NIN: variants seen among roughly 807,000 people sequenced by gnomAD.
The protein encoded by NIN is glycogen synthase kinase 3 beta-interacting protein.
NIN carries 137 observed loss-of-function variants against 257.6 expected under a neutral mutation model. The ratio of observed to expected loss-of-function variants is 0.53; its 90% CI spans 0.46 to 0.61. The LOEUF (loss-of-function observed/expected upper bound fraction) is 0.61, where lower values mean the gene tolerates loss of function less well. Among genes scored for constraint, NIN ranks in the 20% least tolerant of loss-of-function variants. NIN has a pLI of 0.00. For missense variants in NIN, 2,439 were observed against 2,501.2 expected (o/e 0.98, Z 0.53); for synonymous variants, 918 against 919.8 (o/e 1.00, Z 0.04).
chr14:50,757,923 C>A lies in NIN; in HGVS notation c.3107G>T (p.Cys1036Phe), dbSNP rs532449776. ...TSPLSMLQSG[C>F]QVIGEEEVEG... ...CACCTCCTCCTCTCCTATCACCTGGCAACCACTCTGAAGCATTGAGAGAGG... is the reference window on the plus strand; with the variant it reads ...CACCTCCTCCTCTCCTATCACCTGGAAACCACTCTGAAGCATTGAGAGAGG... The change falls in exon 18 of 31, where the codon TGC becomes TTC. Residue 1036 changes from cysteine to phenylalanine, a missense_variant. Around this residue, in one of 3 missense-constraint regions of NIN, gnomAD observed 2,043 missense variants for 2,050.2 expected, o/e 1.00. Coordinates refer to ENST00000530997, the MANE Select transcript of NIN (RefSeq NM_020921.4). 1 of 1,614,180 alleles carries A rather than the reference C, an allele frequency of 6.2e-7. No homozygotes were observed. The highest frequency in any genetic ancestry group is 1.1e-5 in the South Asian group (1 of 91,082).
At chr14:50,801,934 C>T (rs1315032404) in intron 4 of NIN, among the ~76,000 whole-genome samples, 1 of 152,188 alleles carries the variant, frequency 6.6e-6, no homozygotes, top group East Asian at 1.9e-4. Flanking sequence ...ATTATGCTAA[C>T]ATCTACTAAA....
intron 26 of NIN, 100 bp from the exon 27 acceptor site, chr14:50,738,386 G>T: frequency 1.0e-6 from 1 of 957,676 alleles, no homozygotes. Context: ...CTTGGGTCCT[G>T]TTTAACATCC....
In NIN at chr14:50,722,262, G is replaced by A. The variant is rs1220159039; in HGVS notation, c.*1201C>T. ...TATTTGGCACTCCTTGACCTCAGGT[G>A]GCATGCCAATGATTATCACAGTAAG... On this transcript the variant is annotated 3_prime_UTR_variant, in exon 31 of 31. Coordinates refer to ENST00000530997, the MANE Select transcript of NIN (RefSeq NM_020921.4). The A allele has an allele frequency of 8.9e-6, 2 of 223,834 alleles. No homozygotes were observed. Among genetic ancestry groups the A allele is most frequent in the Non-Finnish European group, 1.8e-5 (2 of 112,342 alleles). The allele number at this position is 223,834 out of a possible 1,614,324, so 13.9% of individuals were successfully genotyped here. A position where few individuals can be genotyped will look rare whatever the true frequency, so the allele number is the denominator to read the frequency against.
rs185525956 is a variant in NIN at position 50,759,874 on chromosome 14, C to A, written c.2382G>T (p.Arg794Ser). The A allele has an allele frequency of 6.2e-7, 1 of 1,610,732 alleles. No individual in the cohort carries two copies. Among genetic ancestry groups the A allele is most frequent in the Non-Finnish European group, 8.5e-7 (1 of 1,178,918 alleles). The part of the protein sequence containing the change: ...LRKELLEKHQ[R>S]ELQEGREKME... ...TTTCTTACCTTCCCTCCTGAAGCTC[C>A]CTTTGGTGCTTTTCCAAGAGCTCTT... The change falls in exon 17 of 31, where the codon AGG becomes AGT. Residue 794 changes from arginine to serine, a missense_variant. Physicochemically the swap from Arg to Ser is moderately radical, Grantham distance 110. This residue lies in a region of NIN where 2,043 missense variants were observed against 2,050.2 expected (regional missense o/e 1.00). Transcript: ENST00000530997.
chr14:50,757,832 G>T lies in NIN; in HGVS notation c.3198C>A (p.Val1066=), dbSNP rs745818425. The T allele has an allele frequency of 6.2e-7, 1 of 1,614,098 alleles. No homozygotes were observed. The highest frequency in any genetic ancestry group is 1.1e-5 in the South Asian group (1 of 91,078). The change falls in exon 18 of 31, where the codon GTC becomes GTA. Residue 1066 remains valine (V), a synonymous_variant. Coordinates refer to ENST00000530997, the MANE Select transcript of NIN (RefSeq NM_020921.4). The part of the protein sequence containing the change: ...GEQLLEENGD[V]LLSLQRAHEQ... Reference sequence around the variant, plus strand: ...CATGAGCTCTCTGCAGGCTTAAGAGGACGTCCCCATTTTCTTCCAACAGCT... The same window carrying T: ...CATGAGCTCTCTGCAGGCTTAAGAGTACGTCCCCATTTTCTTCCAACAGCT...
At chr14:50,785,884 C>G (rs1169051752) in intron 5 of NIN, among the ~76,000 whole-genome samples, 1 of 152,196 alleles carries the variant, frequency 6.6e-6, no homozygotes, top group Non-Finnish European at 1.5e-5. Flanking sequence ...AGCCTGACAG[C>G]CCAGCTCCCA....
chr14:50,776,849 C>A, intron 7 of NIN, 100 bp downstream of exon 7: 2 of 1,039,142 alleles, frequency 1.9e-6, no homozygotes, highest in Non-Finnish European at 1.4e-6. Flanking sequence ...GAAAATGGAG[C>A]CTAACAAGCT....
chr14:50,778,738 G>A (rs201385473), intron 6 of NIN, 27 bp downstream of exon 6: 5 of 1,612,028 alleles, frequency 3.1e-6, no homozygotes, highest in Non-Finnish European at 4.2e-6. Context: ...TCCCTTCCAG[G>A]CACGTCCTGA....
At chr14:50,746,564 C>T (rs1044682990) in intron 22 of NIN, among the ~76,000 whole-genome samples, 1 of 152,164 alleles carries the variant, frequency 6.6e-6, no homozygotes, top group African/African-American at 2.4e-5. Context: ...AATGTTTCCA[C>T]ATTCAGGAAA....
chr14:50,830,770 C>T (rs1296231116), intron 1 of NIN: 1 of 150,852 alleles, frequency 6.6e-6, no homozygotes, highest in Non-Finnish European at 1.5e-5. Context: ...ACCGGCCCCT[C>T]CTCCCGCCTC....
chr14:50,744,372 G>A lies in NIN; in HGVS notation c.5065-7C>T, dbSNP rs768613691. 3 of 1,613,206 alleles carry A rather than the reference G, an allele frequency of 1.9e-6. No homozygotes were observed. Among genetic ancestry groups the A allele is most frequent in the South Asian group, 2.2e-5 (2 of 90,998 alleles). ...GATCGGGACATCTGTGCAGCTGTAA[G>A]AGATAAACAAATGAGCCCTCCCATC... is the stretch of plus-strand genomic sequence containing the variant. On this transcript the variant is annotated splice_region_variant and splice_polypyrimidine_tract_variant and intron_variant, in intron 22 of 30. Coordinates refer to ENST00000530997, the MANE Select transcript of NIN (RefSeq NM_020921.4).
chr14:50,751,536 T>G (rs2140698543), intron 21 of NIN, among the ~76,000 whole-genome samples: 1 of 152,322 alleles, frequency 6.6e-6, no homozygotes, highest in East Asian at 1.9e-4. Context: ...TCTGAACATT[T>G]TTCCATAGAT....
In NIN at chr14:50,756,486, C is replaced by T. The variant is rs2042032475; in HGVS notation, c.4538+6G>A. 1.3e-6 allele frequency: 2 copies of T among 1,586,206 alleles called. No homozygotes were observed. The highest frequency in any genetic ancestry group is 1.2e-5 in the South Asian group (1 of 85,344). On this transcript the variant is annotated splice_donor_region_variant and intron_variant, in intron 18 of 30. Transcript: ENST00000530997. ...ATTCGTGACGTCTAGAAGGTACATACATTACCTCAGAAGTTCAACTTTTTG... is the reference window on the plus strand; with the variant it reads ...ATTCGTGACGTCTAGAAGGTACATATATTACCTCAGAAGTTCAACTTTTTG...
At chr14:50,760,440 T>G in intron 16 of NIN, 81 bp from the exon 17 acceptor site, 5 of 428,022 alleles carry the variant, frequency 1.2e-5, no homozygotes, top group Non-Finnish European at 1.6e-5. Context: ...GCAATTGCTT[T>G]TTTTTTTTTT....
rs575188389 is a variant in NIN, at chr14:50,823,404, A to T, written c.-21-1327T>A. On this transcript the variant is annotated intron_variant, in intron 2 of 30. Coordinates refer to ENST00000530997, the MANE Select transcript of NIN (RefSeq NM_020921.4). ...TCCAAGCCAAATTACAGAACTCTCT[A>T]ACTTAGAGGTGATCGTCCATACGGC... is the stretch of plus-strand genomic sequence containing the variant. The T allele has an allele frequency of 1.1e-4, 51 of 451,568 alleles. 1 individual carries two copies. In the Admixed American group the frequency reaches 1.4e-3, roughly 12 times the overall value. The allele number at this position is 451,568 out of a possible 1,614,324, so 28.0% of individuals were successfully genotyped here.
At chr14:50,805,337 C>T (rs1411953789) in intron 4 of NIN, among the ~76,000 whole-genome samples, 1 of 152,190 alleles carries the variant, frequency 6.6e-6, no homozygotes, top group Non-Finnish European at 1.5e-5. Flanking sequence ...ATTCTAGCAG[C>T]GGTCACCTGT....
At position 50,759,852 on chromosome 14, in the gene NIN, C is replaced by G. The variant is rs774695477; in HGVS notation, c.2399+5G>C. On this transcript the variant is annotated splice_donor_5th_base_variant and intron_variant, in intron 17 of 30. Coordinates refer to ENST00000530997, the MANE Select transcript of NIN (RefSeq NM_020921.4). ...AGGTAGCTTCATTTCCCTTCACTTT[C>G]TTACCTTCCCTCCTGAAGCTCCCTT... The G allele has an allele frequency of 1.9e-6, 3 of 1,598,362 alleles. No homozygotes were observed. The highest frequency in any genetic ancestry group is 2.6e-6 in the Non-Finnish European group (3 of 1,174,382).
rs115891177 is a variant in NIN at position 50,723,063 on chromosome 14, A to C, written c.*400T>G. 925 of 218,028 alleles carry C rather than the reference A, an allele frequency of 4.2e-3. 11 individuals carry two copies. The highest frequency in any genetic ancestry group is 0.019 in the African/African-American group (858 of 44,344). 13.5% of individuals were successfully genotyped at this position (218,028 alleles called of 1,614,324 possible). ...TGTAAGAACACCTAAATTTGGTTTTAAAATAAAGTTTATAACAACCATTCT... is the reference window on the plus strand; with the variant it reads ...TGTAAGAACACCTAAATTTGGTTTTCAAATAAAGTTTATAACAACCATTCT... On this transcript the variant is annotated 3_prime_UTR_variant, in exon 31 of 31. Coordinates refer to ENST00000530997, the MANE Select transcript of NIN (RefSeq NM_020921.4).
chr14:50,766,524 G>C, intron 13 of NIN, 128 bp from the exon 14 acceptor site: 1 of 794,432 alleles, frequency 1.3e-6, no homozygotes, highest in Non-Finnish European at 2.1e-6. Context: ...ATGTAAGCAC[G>C]AACAACACCA....
Sources: gnomAD v4.1 joint callset for allele counts (sites outside exome capture counted in the v4.1 genomes callset) on GRCh38, gnomAD v4.1.1 for gene constraint, gnomAD v4.1.1 regional missense constraint, MANE v1.5 for transcripts, NCBI Gene and HGNC (gene_info 2026-07-23, HGNC 2026-07-21) for gene names.